The following HCLS1 variants were observed in gnomAD, a reference collection of about 807,000 sequenced individuals.
The protein encoded by HCLS1 is hematopoietic cell-specific Lyn substrate 1.
Under a neutral mutation model 68.6 loss-of-function variants are expected in HCLS1, and 44 were observed. The ratio of observed to expected loss-of-function variants is 0.64; its 90% CI spans 0.50 to 0.82. HCLS1 has a LOEUF of 0.82. Among genes scored for constraint, HCLS1 ranks in the 40% least tolerant of loss-of-function variants. The probability of loss-of-function intolerance (pLI) is 0.00; values close to 1 mark genes in which losing one functional copy is unlikely to be tolerated. For synonymous variants in HCLS1, 217 were observed against 225.8 expected, an observed-to-expected ratio of 0.96 and a Z score of 0.35; for missense variants, 602 against 612.1, an observed-to-expected ratio of 0.98 and a Z score of 0.17.
At chr3:121,652,482 C>T (rs1477989379) in intron 3 of HCLS1, among the ~76,000 whole-genome samples, 1 of 151,966 alleles carries the variant, frequency 6.6e-6, no homozygotes, top group Non-Finnish European at 1.5e-5. Context: ...GGTTAAACCC[C>T]GTCTCTACTA....
intron 3 of HCLS1, among the ~76,000 whole-genome samples, chr3:121,651,099 C>A (rs1305688644): frequency 2.0e-5 from 3 of 152,160 alleles, no homozygotes; most frequent in African/African-American, 7.2e-5. Context: ...CATGTCACTG[C>A]ACTCCAGCCT....
At position 121,644,975 on chromosome 3, in the gene HCLS1, TA is replaced by T. The variant is rs1400131210; in HGVS notation, c.289-48del. 3.6e-6 allele frequency: 5 copies of T among 1,397,348 alleles called. No individual in the cohort carries two copies. The African/African-American group carries it at 5.6e-5, about 16-fold the overall frequency. The allele number at this position is 1,397,348 out of a possible 1,614,324, so 86.6% of individuals were successfully genotyped here. On this transcript the variant is annotated intron_variant, in intron 4 of 13. Coordinates refer to ENST00000314583, the MANE Select transcript of HCLS1 (RefSeq NM_005335.6). ...GTGAGTGAAAAGATAAAAATGACCT[TA>T]AAAAAATAAATACAGATATGGAGTG...
chr3:121,635,793 G>T lies in HCLS1; in HGVS notation c.633C>A (p.Gly211=), dbSNP rs752655948. 6 of 1,614,048 alleles carry T rather than the reference G, an allele frequency of 3.7e-6. No individual in the cohort carries two copies. In the South Asian group the frequency reaches 6.6e-5, roughly 18 times the overall value. Residue 211 remains glycine (G), a synonymous_variant, in exon 9 of 14, where the codon GGC becomes GGA. Coordinates refer to ENST00000314583, the MANE Select transcript of HCLS1 (RefSeq NM_005335.6). ...TGGTCGGGGCCTCCATTTCATTGAA[G>T]CCGACAGCGCTCTGCAGGCAGGAGA... ...QKDRVDKSAV[G]FNEMEAPTTA... is the part of the protein sequence containing the mutation.
In HCLS1 at chr3:121,635,795, C is replaced by T. The variant is rs202020296; in HGVS notation, c.631G>A (p.Gly211Ser). Reference protein sequence around the residue: ...QKDRVDKSAVGFNEMEAPTTA... With the variant: ...QKDRVDKSAVSFNEMEAPTTA... Reference sequence around the variant, plus strand: ...GTCGGGGCCTCCATTTCATTGAAGCCGACAGCGCTCTGCAGGCAGGAGAAC... The same window carrying T: ...GTCGGGGCCTCCATTTCATTGAAGCTGACAGCGCTCTGCAGGCAGGAGAAC... Residue 211 changes from glycine to serine, a missense_variant, in exon 9 of 14, where the codon GGC becomes AGC. Coordinates refer to ENST00000314583, the MANE Select transcript of HCLS1 (RefSeq NM_005335.6). 6.4e-4 allele frequency: 1,027 copies of T among 1,614,000 alleles called. 9 individuals are homozygous for T. The highest frequency in any genetic ancestry group is 1.1e-4 in the Non-Finnish European group (132 of 1,179,982).
At chr3:121,644,997 G>A in intron 4 of HCLS1, 69 bp from the exon 5 acceptor site, 3 of 1,195,068 alleles carry the variant, frequency 2.5e-6, no homozygotes, top group Non-Finnish European at 2.5e-6. Context: ...TACAGATATG[G>A]AGTGGGATGT....
At chr3:121,641,884 A>G (rs1310268431) in intron 6 of HCLS1, among the ~76,000 whole-genome samples, 3 of 151,986 alleles carry the variant, frequency 2.0e-5, no homozygotes, top group African/African-American at 7.2e-5. Flanking sequence ...GATCGAGACC[A>G]TCCTGGCTAA....
chr3:121,636,501 A>T lies in HCLS1; in HGVS notation c.566-12T>A. The T allele has an allele frequency of 6.2e-7, 1 of 1,611,194 alleles. No individual in the cohort carries two copies. Reference sequence around the variant, plus strand: ...GCCCTTGGCATAATCTGCAGGACAGAAAGTTCTGAGTTATAGGAGATCAAA... The same window carrying T: ...GCCCTTGGCATAATCTGCAGGACAGTAAGTTCTGAGTTATAGGAGATCAAA... On this transcript the variant is annotated splice_polypyrimidine_tract_variant and intron_variant, in intron 7 of 13. Transcript: ENST00000314583.
At chr3:121,641,372 T>C (rs1350278776) in intron 6 of HCLS1, among the ~76,000 whole-genome samples, 1 of 152,226 alleles carries the variant, frequency 6.6e-6, no homozygotes, top group African/African-American at 2.4e-5. Flanking sequence ...AGTTCTTTCA[T>C]AGACTCATTG....
chr3:121,636,540 G>A (rs2049153149), intron 7 of HCLS1, 51 bp from the exon 8 acceptor site: 1 of 1,360,796 alleles, frequency 7.3e-7, no homozygotes, highest in Admixed American at 1.7e-5. Flanking sequence ...CTGGGAATGG[G>A]TGGTGAGAAG....
Position 121,660,490 on chromosome 3 carries a change from G to A in HCLS1, c.-1+330C>T, listed in dbSNP as rs891981919. On this transcript the variant is annotated intron_variant, in intron 1 of 13. Transcript: ENST00000314583. ...CTCTTCAAGGGCAGACACTGTTTTC[G>A]TCTCCTGTGGTCCTCCTCCCAGCTC... Among the ~76,000 whole-genome samples, 18 of 152,078 alleles carry A rather than the reference G, an allele frequency of 1.2e-4. No individual in the cohort carries two copies. In the South Asian group the frequency reaches 1.7e-3, roughly 14 times the overall value.
At chr3:121,658,039 C>T (rs1264785567) in intron 2 of HCLS1, 4 of 504,198 alleles carry the variant, frequency 7.9e-6, no homozygotes, top group African/African-American at 3.9e-5. Flanking sequence ...GCCTGTCAAT[C>T]ACACTGTCAA....
At chr3:121,647,536 T>C (rs1937640631) in intron 3 of HCLS1, 88 bp from the exon 4 acceptor site, 1 of 1,392,834 alleles carries the variant, frequency 7.2e-7, no homozygotes, top group African/African-American at 1.4e-5. Context: ...TTGAAGTCTG[T>C]CCTGTTTACT....
At chr3:121,633,227 T>G (rs1198179289) in intron 10 of HCLS1, 56 bp from the exon 11 acceptor site, 2 of 1,177,258 alleles carry the variant, frequency 1.7e-6, no homozygotes, top group East Asian at 5.1e-5. Context: ...ACTCCTTTTT[T>G]TTTTTTGAGA....
intron 9 of HCLS1, among the ~76,000 whole-genome samples, chr3:121,635,155 C>T (rs1354233092): frequency 1.3e-5 from 2 of 151,910 alleles, no homozygotes; most frequent in Non-Finnish European, 2.9e-5. Context: ...GATTCCTTCC[C>T]CGACGTCACT....
At chr3:121,645,931 T>C (rs931936137) in intron 4 of HCLS1, among the ~76,000 whole-genome samples, 2 of 141,808 alleles carry the variant, frequency 1.4e-5, no homozygotes, top group Non-Finnish European at 3.0e-5. Flanking sequence ...TATTAAAATA[T>C]ACATAATATA....
In HCLS1 at chr3:121,639,539, G is replaced by T. The variant is rs539947720; in HGVS notation, c.455-2283C>A. 9.1e-3 allele frequency among the ~76,000 whole-genome samples: 1,382 copies of T among 151,870 alleles called. 3 individuals are homozygous for T. Among genetic ancestry groups the T allele is most frequent in the Non-Finnish European group, 0.014 (937 of 67,912 alleles). On this transcript the variant is annotated intron_variant, in intron 6 of 13. Transcript: ENST00000314583. ...CTGAATGATTTTATTTTTTGTTGTTGTTGTTGTTGTTGTTGTTGTTGTTTT... is the reference window on the plus strand; with the variant it reads ...CTGAATGATTTTATTTTTTGTTGTTTTTGTTGTTGTTGTTGTTGTTGTTTT...
At position 121,658,342 on chromosome 3, in the gene HCLS1, C is replaced by T; in HGVS notation, c.6G>A (p.Trp2Ter). 1 of 1,612,678 alleles carries T rather than the reference C, an allele frequency of 6.2e-7. No homozygotes were observed. Among genetic ancestry groups the T allele is most frequent in the Non-Finnish European group, 8.5e-7 (1 of 1,178,756 alleles). Residue 2 changes from tryptophan (W) to a stop codon, truncating the protein, a stop_gained, in exon 2 of 14, where the codon TGG becomes TGA. Transcript: ENST00000314583. LOFTEE classifies it high-confidence loss of function. ...ACACATCATGGCCCACTACAGACTT[C>T]CACATCTGAGAGTGACCGGAGATGG... M[W>*]KSVVGHDVSV... is the part of the protein sequence containing the mutation.
chr3:121,639,884 T>C (rs1441869411), intron 6 of HCLS1, among the ~76,000 whole-genome samples: 1 of 152,022 alleles, frequency 6.6e-6, no homozygotes, highest in African/African-American at 2.4e-5. Context: ...ACTAAATTAA[T>C]ACTAAGTAGA....
intron 7 of HCLS1, 61 bp downstream of exon 7, chr3:121,637,085 G>A (rs552545732): frequency 6.5e-6 from 8 of 1,225,266 alleles, no homozygotes; most frequent in South Asian, 6.0e-5. Context: ...TGAGCTTCCA[G>A]AAAGGAAGGA....
Sources: gnomAD v4.1 joint callset for allele counts (sites outside exome capture counted in the v4.1 genomes callset) on GRCh38, gnomAD v4.1.1 for gene constraint, MANE v1.5 for transcripts, NCBI Gene and HGNC (gene_info 2026-07-23, HGNC 2026-07-21) for gene names.